The following SWT1 variants were observed in gnomAD, a reference collection of about 807,000 sequenced individuals.
The protein encoded by SWT1 is transcriptional protein SWT1.
In SWT1, 33 loss-of-function variants were observed where a neutral mutation model predicts 107.3. That is an observed-to-expected ratio of 0.31 (90% CI 0.23 to 0.41). SWT1 has a LOEUF of 0.41. Ranked by LOEUF, SWT1 falls within the 10% of genes least tolerant of loss-of-function variation. SWT1 has a pLI of 1.00. For synonymous variants in SWT1, 345 were observed against 348.3 expected (o/e 0.99, Z 0.11); for missense variants, 898 against 1,028.9 (o/e 0.87, Z 1.74).
At chr1:185,264,098 C>T (rs565184807) in intron 16 of SWT1, 11 of 152,680 alleles carry the variant, frequency 7.2e-5, no homozygotes, top group African/African-American at 2.2e-4. Context: ...GTGGGTAGGG[C>T]ATAGTCCCTG....
rs557232629 is a variant in SWT1 at position 185,158,417 on chromosome 1, C to CA, written c.-10+1105dup. ...CTGAATGTGTAGTTGACTCATGGCT[C>CA]AACAGTCAATTAAAAATGGGATAAC... is the stretch of plus-strand genomic sequence containing the variant. On this transcript the variant is annotated intron_variant, in intron 1 of 18. Coordinates refer to ENST00000367500, the MANE Select transcript of SWT1 (RefSeq NM_017673.7). Among the ~76,000 whole-genome samples the CA allele has an allele frequency of 3.2e-4, 48 of 151,370 alleles. 1 individual carries two copies. In the East Asian group the frequency reaches 5.4e-3, roughly 17 times the overall value.
At chr1:185,258,522 T>C (rs1475497596) in intron 16 of SWT1, among the ~76,000 whole-genome samples, 1 of 152,160 alleles carries the variant, frequency 6.6e-6, no homozygotes, top group Non-Finnish European at 1.5e-5. Context: ...TGAAGATCTT[T>C]TAATGGTAAA....
At chr1:185,285,960 T>TAA (rs1381776545) in intron 18 of SWT1, among the ~76,000 whole-genome samples, 1 of 152,234 alleles carries the variant, frequency 6.6e-6, no homozygotes, top group African/African-American at 2.4e-5. Context: ...AGTTGCTTTG[T>TAA]AGTGAGTTTT....
In SWT1 at chr1:185,231,557, C is replaced by CT. The variant is rs748777451; in HGVS notation, c.2310-12dup. 67 of 1,576,590 alleles carry CT rather than the reference C, an allele frequency of 4.2e-5. No individual in the cohort carries two copies. The highest frequency in any genetic ancestry group is 5.1e-5 in the Non-Finnish European group (59 of 1,151,932). On this transcript the variant is annotated intron_variant, in intron 15 of 18. Coordinates refer to ENST00000367500, the MANE Select transcript of SWT1 (RefSeq NM_017673.7). ...AATATGTATGTATACCTATGAGTAT[C>CT]TTTTTTTTCTCTATTTTAGCACGGA...
chr1:185,283,554 G>C (rs186297149), intron 18 of SWT1, among the ~76,000 whole-genome samples: 2 of 121,418 alleles, frequency 1.6e-5, no homozygotes, highest in Non-Finnish European at 4.2e-5. Context: ...TAAGGTTTTT[G>C]TTTGTTTGTT....
rs1558021420 is a variant in SWT1 at position 185,184,392 on chromosome 1, A to C, written c.1240+48A>C. On this transcript the variant is annotated intron_variant, in intron 8 of 18. Transcript: ENST00000367500. Reference sequence around the variant, plus strand: ...GATTCTGATTTTCTTCCTTGAGTTGATATTTTATATTAACAATGATGGGCT... The same window carrying C: ...GATTCTGATTTTCTTCCTTGAGTTGCTATTTTATATTAACAATGATGGGCT... 6.4e-6 allele frequency: 7 copies of C among 1,097,980 alleles called. No individual in the cohort carries two copies. In the South Asian group the frequency reaches 8.2e-5, roughly 13 times the overall value. 68.0% of individuals were successfully genotyped at this position (1,097,980 alleles called of 1,614,324 possible).
Position 185,213,830 on chromosome 1 carries a change from A to G in SWT1, c.1973-677A>G, listed in dbSNP as rs1166397851. Among the ~76,000 whole-genome samples, 3 of 152,156 alleles carry G rather than the reference A, an allele frequency of 2.0e-5. No individual in the cohort carries two copies. In the East Asian group the frequency reaches 5.8e-4, roughly 29 times the overall value. ...CTTTCCCAACTAGTTTGAGAAGTTA[A>G]TGTAATTAGTTTTAGTTCCTTGAGA... On this transcript the variant is annotated intron_variant, in intron 13 of 18. Transcript: ENST00000367500.
At chr1:185,190,892 A>G (rs1656895151) in intron 10 of SWT1, among the ~76,000 whole-genome samples, 1 of 152,186 alleles carries the variant, frequency 6.6e-6, no homozygotes. Context: ...GCAGGGGAAA[A>G]GGCAACTTAA....
At chr1:185,221,490 T>G (rs1028063533) in intron 14 of SWT1, among the ~76,000 whole-genome samples, 2 of 152,130 alleles carry the variant, frequency 1.3e-5, no homozygotes, top group South Asian at 4.1e-4. Flanking sequence ...TTCTTAAAAC[T>G]GGATTGTAAG....
chr1:185,259,969 C>T (rs1359039666), intron 16 of SWT1, among the ~76,000 whole-genome samples: 1 of 152,140 alleles, frequency 6.6e-6, no homozygotes, highest in Non-Finnish European at 1.5e-5. Flanking sequence ...TGCAAACCAT[C>T]TCTTAGGGTG....
intron 2 of SWT1, among the ~76,000 whole-genome samples, chr1:185,161,556 G>T (rs1654149962): frequency 6.6e-6 from 1 of 151,816 alleles, no homozygotes; most frequent in African/African-American, 2.4e-5. Context: ...AAAAAAGCCA[G>T]ACGTGATGGT....
intron 18 of SWT1, among the ~76,000 whole-genome samples, chr1:185,289,782 T>G (rs180943097): frequency 6.6e-6 from 1 of 152,068 alleles, no homozygotes; most frequent in Non-Finnish European, 1.5e-5. Flanking sequence ...CTCACTGATA[T>G]GTGGAATCTA....
rs187158561 is a variant in SWT1 at position 185,184,187 on chromosome 1, A to C, written c.1139-56A>C. 389 of 841,430 alleles carry C rather than the reference A, an allele frequency of 4.6e-4. No homozygotes were observed. The East Asian group carries it at 8.9e-3, about 19-fold the overall frequency. The allele number at this position is 841,430 out of a possible 1,614,324, so 52.1% of individuals were successfully genotyped here. A position where few individuals can be genotyped will look rare whatever the true frequency, so the allele number is the denominator to read the frequency against. On this transcript the variant is annotated intron_variant, in intron 7 of 18. Coordinates refer to ENST00000367500, the MANE Select transcript of SWT1 (RefSeq NM_017673.7). ...AATGCTTCTGTAATATCAAAATTTT[A>C]GTCATTATATAAGTCTGTTATCAAG...
At chr1:185,176,677 T>C (rs1447184597) in intron 5 of SWT1, 1 of 985,232 alleles carries the variant, frequency 1.0e-6, no homozygotes, top group East Asian at 1.1e-4. Context: ...GCCTACCTGC[T>C]TTTAGGTATT....
At chr1:185,177,896 G>A (rs989106482) in intron 5 of SWT1, among the ~76,000 whole-genome samples, 2 of 152,024 alleles carry the variant, frequency 1.3e-5, no homozygotes, top group Non-Finnish European at 2.9e-5. Context: ...GTAGGAATTC[G>A]TTCATTTATC....
At chr1:185,239,836 TAGTA>T (rs1661142083) in intron 16 of SWT1, among the ~76,000 whole-genome samples, 1 of 152,086 alleles carries the variant, frequency 6.6e-6, no homozygotes, top group Non-Finnish European at 1.5e-5. Flanking sequence ...ACCTTTTGCT[TAGTA>T]TATAAAGATG....
At chr1:185,278,850 TTACCTGTG>T (rs1407536065) in intron 18 of SWT1, among the ~76,000 whole-genome samples, 1 of 152,202 alleles carries the variant, frequency 6.6e-6, no homozygotes, top group African/African-American at 2.4e-5. Context: ...TATATATAAC[TTACCTGTG>T]TACCTGTGTG....
intron 13 of SWT1, among the ~76,000 whole-genome samples, chr1:185,207,718 A>C (rs942859077): frequency 6.6e-6 from 1 of 152,066 alleles, no homozygotes; most frequent in Admixed American, 6.6e-5. Flanking sequence ...CCTGGGCAAC[A>C]TGGTAAAACT....
chr1:185,285,211 G>C (rs1196588562), intron 18 of SWT1, among the ~76,000 whole-genome samples: 5 of 152,110 alleles, frequency 3.3e-5, no homozygotes, highest in Non-Finnish European at 5.9e-5. Flanking sequence ...CTTCTTCAGG[G>C]CTTCTCAGCA....
Sources: gnomAD v4.1 joint callset for allele counts (sites outside exome capture counted in the v4.1 genomes callset) on GRCh38, gnomAD v4.1.1 for gene constraint, MANE v1.5 for transcripts, NCBI Gene and HGNC (gene_info 2026-07-23, HGNC 2026-07-21) for gene names.